Variants in SPAG16 observed in about 807,000 individuals in gnomAD.
SPAG16 encodes the protein sperm associated antigen 16, also known as sperm-associated antigen 16 protein.
SPAG16 carries 86 observed loss-of-function variants against 80.4 expected under a neutral mutation model. That is an observed-to-expected ratio of 1.07 (90% confidence interval 0.90 to 1.28). The LOEUF is 1.28. Among genes scored for constraint, SPAG16 ranks in the 50% most tolerant of loss-of-function variants. The pLI, the probability that SPAG16 is intolerant of heterozygous loss-of-function variation, is 0.00. For missense variants in SPAG16, 870 were observed against 765.3 expected, an observed-to-expected ratio of 1.14 and a Z score of -1.61; for synonymous variants, 294 against 265.9, an observed-to-expected ratio of 1.11 and a Z score of -1.03.
chr2:213,825,575 C>G (rs1199529456), intron 10 of SPAG16, among the ~76,000 whole-genome samples: 7 of 151,960 alleles, frequency 4.6e-5, no homozygotes, highest in Admixed American at 1.3e-4. Context: ...GGATAAATCC[C>G]ACTTGGTCAT....
intron 10 of SPAG16, among the ~76,000 whole-genome samples, chr2:213,724,669 T>G (rs936630636): frequency 2.7e-5 from 4 of 149,350 alleles, no homozygotes; most frequent in African/African-American, 9.8e-5. Context: ...TCCCAGCTAC[T>G]TGGGAGGCTG....
In SPAG16 at chr2:213,832,364, T is replaced by C. The variant is rs192114393; in HGVS notation, c.1071-30121T>C. 1.0e-3 allele frequency among the ~76,000 whole-genome samples: 154 copies of C among 152,224 alleles called. 1 individual carries two copies. In the East Asian group the frequency reaches 0.026, roughly 26 times the overall value. ...TGGCACCTTGGCATGCTGAATACTT[T>C]GAACTGAAGGACATCAGAAGGCTTT... On this transcript the variant is annotated intron_variant, in intron 10 of 15. Transcript: ENST00000331683.
chr2:214,249,272 A>G (rs1690077182), intron 15 of SPAG16, among the ~76,000 whole-genome samples: 1 of 152,234 alleles, frequency 6.6e-6, no homozygotes, highest in African/African-American at 2.4e-5. Flanking sequence ...TTTGAAAGTC[A>G]TGATGGACAA....
chr2:214,192,615 G>C (rs2057698820), intron 15 of SPAG16, among the ~76,000 whole-genome samples: 1 of 136,516 alleles, frequency 7.3e-6, no homozygotes, highest in African/African-American at 2.8e-5. Flanking sequence ...ATTGCACTTA[G>C]TAGTATTGTA....
intron 12 of SPAG16, among the ~76,000 whole-genome samples, chr2:213,999,614 C>T (rs536668312): frequency 1.4e-4 from 22 of 152,320 alleles, no homozygotes; most frequent in Admixed American, 7.2e-4. Flanking sequence ...GTCTTCCAGA[C>T]CCTAGAATGG....
At chr2:213,661,607 A>G (rs2063429593) in intron 10 of SPAG16, among the ~76,000 whole-genome samples, 1 of 152,198 alleles carries the variant, frequency 6.6e-6, no homozygotes, top group African/African-American at 2.4e-5. Context: ...ATTTTAAAAC[A>G]CTGGATTTTG....
At chr2:213,729,073 T>C (rs1305706655) in intron 10 of SPAG16, among the ~76,000 whole-genome samples, 1 of 152,106 alleles carries the variant, frequency 6.6e-6, no homozygotes, top group East Asian at 1.9e-4. Flanking sequence ...TAAAATACGA[T>C]TAGGAAATGC....
At chr2:213,740,768 G>C (rs1206415240) in intron 10 of SPAG16, among the ~76,000 whole-genome samples, 1 of 152,188 alleles carries the variant, frequency 6.6e-6, no homozygotes, top group African/African-American at 2.4e-5. Flanking sequence ...ACACCCAAGA[G>C]TGTGGGGTAA....
chr2:214,241,946 TTCATA>T (rs1277732382), intron 15 of SPAG16, among the ~76,000 whole-genome samples: 6 of 152,192 alleles, frequency 3.9e-5, no homozygotes, highest in African/African-American at 1.4e-4. Context: ...ACTTCTGGAT[TTCATA>T]TCCTGGATGC....
intron 10 of SPAG16, among the ~76,000 whole-genome samples, chr2:213,742,743 G>A (rs905651359): frequency 6.6e-6 from 1 of 151,336 alleles, no homozygotes; most frequent in Non-Finnish European, 1.5e-5. Flanking sequence ...AGTACAGACA[G>A]CGTTTCACCA....
chr2:214,039,253 T>G (rs866175583), intron 13 of SPAG16, among the ~76,000 whole-genome samples: 1 of 152,232 alleles, frequency 6.6e-6, no homozygotes, highest in African/African-American at 2.4e-5. Context: ...TGTGAGATGG[T>G]ATCTCACTGT....
At chr2:214,365,261 T>C (rs62198195) in intron 15 of SPAG16, among the ~76,000 whole-genome samples, 1,525 of 152,316 alleles carry the variant, frequency 0.01, 15 homozygotes, top group Non-Finnish European at 0.015. Flanking sequence ...TGAACGTGAA[T>C]ATCAGCACCT....
intron 15 of SPAG16, among the ~76,000 whole-genome samples, chr2:214,400,594 C>T (rs1701650793): frequency 6.6e-6 from 1 of 151,884 alleles, no homozygotes; most frequent in East Asian, 1.9e-4. Flanking sequence ...CTGGAACCAA[C>T]AACCCCATAG....
At position 214,136,033 on chromosome 2, in the gene SPAG16, A is replaced by T. The variant is rs536812143; in HGVS notation, c.1594-13107A>T. 1.0e-3 allele frequency among the ~76,000 whole-genome samples: 157 copies of T among 152,250 alleles called. 1 individual carries two copies. In the South Asian group the frequency reaches 0.017, roughly 16 times the overall value. ...CATGGCAGAAGAGGAAGGGGAGCTG[A>T]CAGGTAGAGAAGGGGAGTGTAGCTG... On this transcript the variant is annotated intron_variant, in intron 14 of 15. Transcript: ENST00000331683.
chr2:213,462,030 T>A (rs542860948), intron 9 of SPAG16, among the ~76,000 whole-genome samples: 36 of 152,338 alleles, frequency 2.4e-4, no homozygotes, highest in African/African-American at 8.7e-4. Flanking sequence ...AAATGAGATG[T>A]TGAAAAAAAT....
At chr2:213,966,123 G>A (rs894349664) in intron 12 of SPAG16, among the ~76,000 whole-genome samples, 1 of 152,120 alleles carries the variant, frequency 6.6e-6, no homozygotes, top group African/African-American at 2.4e-5. Flanking sequence ...TTCCCTTCCT[G>A]AGAAGAAACC....
At chr2:214,140,950 G>A (rs2055325277) in intron 14 of SPAG16, among the ~76,000 whole-genome samples, 1 of 92,878 alleles carries the variant, frequency 1.1e-5, no homozygotes. Context: ...GGGGGGGTGG[G>A]GGGTGGGGGG....
intron 5 of SPAG16, among the ~76,000 whole-genome samples, chr2:213,330,767 A>T (rs543924994): frequency 2.0e-5 from 3 of 152,308 alleles, no homozygotes; most frequent in Admixed American, 1.3e-4. Flanking sequence ...CCCAAATCTC[A>T]TCTTGAATTC....
intron 15 of SPAG16, among the ~76,000 whole-genome samples, chr2:214,190,263 A>G (rs1350318893): frequency 6.6e-6 from 1 of 152,112 alleles, no homozygotes; most frequent in Non-Finnish European, 1.5e-5. Context: ...TTAAAAGGGA[A>G]TATGAGTGGG....
Sources: gnomAD v4.1 joint callset for allele counts (sites outside exome capture counted in the v4.1 genomes callset) on GRCh38, gnomAD v4.1.1 for gene constraint, MANE v1.5 for transcripts, NCBI Gene and HGNC (gene_info 2026-07-23, HGNC 2026-07-21) for gene names.